Variants in P2RX1 observed in about 807,000 individuals in gnomAD.
P2RX1 encodes the protein P2X purinoceptor 1.
Under a neutral mutation model 50.3 loss-of-function variants are expected in P2RX1, and 42 were observed. The ratio of observed to expected loss-of-function variants is 0.83; its 90% CI spans 0.65 to 1.08. The LOEUF (loss-of-function observed/expected upper bound fraction) is 1.08. Ranked by LOEUF, P2RX1 falls within the 50% of genes least tolerant of loss-of-function variation. The pLI is 0.00. For missense variants in P2RX1, 449 were observed against 529.0 expected, an observed-to-expected ratio of 0.85 and a Z score of 1.48; for synonymous variants, 199 against 202.6, an observed-to-expected ratio of 0.98 and a Z score of 0.15.
In P2RX1 at chr17:3,897,761, G is replaced by C; in HGVS notation, c.*53C>G. The C allele has an allele frequency of 6.4e-7, 1 of 1,553,164 alleles. No homozygotes were observed. The highest frequency in any genetic ancestry group is 8.8e-7 in the Non-Finnish European group (1 of 1,131,076). ...CTCTGCCCTGGCTGGGACCCACCAG[G>C]GCTCCAGGCTGAAGCCTCACGCTGC... On this transcript the variant is annotated 3_prime_UTR_variant, in exon 12 of 12. Transcript: ENST00000225538.
intron 1 of P2RX1, among the ~76,000 whole-genome samples, chr17:3,908,714 A>G (rs1409423846): frequency 6.6e-6 from 1 of 152,172 alleles, no homozygotes; most frequent in East Asian, 1.9e-4. Flanking sequence ...CTCCCCTTCC[A>G]GAAATAACCC....
rs763723019 is a variant in P2RX1 at position 3,897,873 on chromosome 17, G to A, written c.1141C>T (p.Arg381Cys). ...AEDMGPGAAERDLAATSSTLG... is the reference protein window; with the variant it reads ...AEDMGPGAAECDLAATSSTLG... ...GTGGAGCTGGTAGCTGCGAGGTCACGCTCAGCCTGTGTACGTGGTGCAAGG... is the reference window on the plus strand; with the variant it reads ...GTGGAGCTGGTAGCTGCGAGGTCACACTCAGCCTGTGTACGTGGTGCAAGG... The change falls in exon 12 of 12, where the codon CGT (arginine) becomes TGT (cysteine). Residue 381 changes from arginine to cysteine, a missense_variant. Physicochemically the swap from Arg to Cys is radical, Grantham distance 180. Transcript: ENST00000225538. 19 of 1,613,874 alleles carry A rather than the reference G, an allele frequency of 1.2e-5. No individual in the cohort carries two copies. Among genetic ancestry groups the A allele is most frequent in the Middle Eastern group, 1.7e-4 (1 of 5,952 alleles).
At position 3,903,712 on chromosome 17, in the gene P2RX1, G is replaced by A. The variant is rs1289733788; in HGVS notation, c.525-81C>T. The stretch of plus-strand genomic sequence containing the variant: ...CACACAGAGCTTGGCACAGCAGGGG[G>A]TGGGCCGAGCCTCCGGGACCCGCCT... On this transcript the variant is annotated intron_variant, in intron 5 of 11. Transcript: ENST00000225538. The surrounding 1 kb of genome is among the most constrained non-coding windows in gnomAD (Gnocchi z 4.6). 1.3e-6 allele frequency: 2 copies of A among 1,482,004 alleles called. No individual in the cohort carries two copies. The highest frequency in any genetic ancestry group is 2.8e-5 in the African/African-American group (2 of 72,410). 91.8% of individuals were successfully genotyped at this position (1,482,004 alleles called of 1,614,324 possible). A position where few individuals can be genotyped will look rare whatever the true frequency, so the allele number is the denominator to read the frequency against.
intron 1 of P2RX1, among the ~76,000 whole-genome samples, chr17:3,907,290 C>CGTGTGTGTGTGTGTGTGTGTGTGT (rs147411964): frequency 2.5e-4 from 33 of 134,432 alleles, no homozygotes; most frequent in Middle Eastern, 3.6e-3. Context: ...TTCAGGGTAA[C>CGTGTGTGTGTGTGTGTGTGTGTGT]GTGTGTGTGT....
chr17:3,903,575 C>G lies in P2RX1; in HGVS notation c.581G>C (p.Ser194Thr). Residue 194 changes from serine to threonine, a missense_variant, in exon 6 of 12, where the codon AGC becomes ACC. By Grantham distance (58) the Ser-to-Thr change is moderately conservative. Coordinates refer to ENST00000225538, the MANE Select transcript of P2RX1 (RefSeq NM_002558.4). The surrounding 1 kb of genome is among the most constrained non-coding windows in gnomAD (Gnocchi z 4.6). ...CCTGTTGACCTTGAAGCGTGGAAAG[C>G]TGATGCTGTTCTTGATGAAAAGAGT... ...NFTLFIKNSI[S>T]FPRFKVNRRN... is the part of the protein sequence containing the mutation. 6.2e-7 allele frequency: 1 copy of G among 1,614,206 alleles called. No individual in the cohort carries two copies. The highest frequency in any genetic ancestry group is 8.5e-7 in the Non-Finnish European group (1 of 1,180,038).
At position 3,903,811 on chromosome 17, in the gene P2RX1, G is replaced by T; in HGVS notation, c.524+117C>A. 1 of 1,093,458 alleles carries T rather than the reference G, an allele frequency of 9.1e-7. No homozygotes were observed. Among genetic ancestry groups the T allele is most frequent in the Non-Finnish European group, 1.4e-6 (1 of 719,674 alleles). The allele number at this position is 1,093,458 out of a possible 1,614,324, so 67.7% of individuals were successfully genotyped here. On this transcript the variant is annotated intron_variant, in intron 5 of 11. Coordinates refer to ENST00000225538, the MANE Select transcript of P2RX1 (RefSeq NM_002558.4). The surrounding 1 kb of genome is among the most constrained non-coding windows in gnomAD (Gnocchi z 4.6). ...CCCAGGGGAATCTTCAGCCTAGGTT[G>T]CGCGGATGGGGTGAGGGTGGGGTCA...
rs952801163 is a variant in P2RX1, at chr17:3,916,095, A to G, written c.131T>C (p.Val44Ala). The G allele has an allele frequency of 4.3e-6, 7 of 1,613,278 alleles. No homozygotes were observed. The African/African-American group carries it at 9.3e-5, about 22-fold the overall frequency. Residue 44 changes from valine (V) to alanine (A), a missense_variant, in exon 1 of 12, where the codon GTC becomes GCC. Physicochemically the swap from Val to Ala is moderately conservative, Grantham distance 64 (BLOSUM62 0). Coordinates refer to ENST00000225538, the MANE Select transcript of P2RX1 (RefSeq NM_002558.4). ...GGGAGGCGCCCGGACTCACCCGATG[A>G]CGTAGACCAGGACCACCAGCTGGAT... is the stretch of plus-strand genomic sequence containing the variant. The part of the protein sequence containing the change: ...RLIQLVVLVY[V>A]IGWVFLYEKG...
In P2RX1 at chr17:3,898,555, G is replaced by A. The variant is rs752449656; in HGVS notation, c.967-6C>T. The A allele has an allele frequency of 1.9e-6, 3 of 1,612,424 alleles. No homozygotes were observed. The highest frequency in any genetic ancestry group is 2.2e-5 in the South Asian group (2 of 91,040). ...ATGATGTCAAACTTCCCGGCCTGGT[G>A]GCAGGACCCAGGGAGAGAAGGGCTA... On this transcript the variant is annotated splice_region_variant and splice_polypyrimidine_tract_variant and intron_variant, in intron 9 of 11. Transcript: ENST00000225538.
chr17:3,903,992 C>T lies in P2RX1; in HGVS notation c.460G>A (p.Asp154Asn), dbSNP rs146225413. 177 of 1,614,090 alleles carry T rather than the reference C, an allele frequency of 1.1e-4. No individual in the cohort carries two copies. The African/African-American group carries it at 2.0e-3, about 18-fold the overall frequency. Residue 154 changes from aspartate to asparagine, a missense_variant, in exon 5 of 12, where the codon GAC becomes AAC. By Grantham distance (23) the Asp-to-Asn change is conservative. Transcript: ENST00000225538. This position sits in a 1 kb window ranked among gnomAD's most constrained non-coding sequence, Gnocchi z 4.6. ...AAGATCTCACACGTCTTCACAGTGT[C>T]GTTGAAGGCCACACACTTGCCCGTG... ...IRTGKCVAFNDTVKTCEIFGW... is the reference protein window; with the variant it reads ...IRTGKCVAFNNTVKTCEIFGW...
At chr17:3,905,516 G>T in intron 1 of P2RX1, 149 bp from the exon 2 acceptor site, 2 of 821,206 alleles carry the variant, frequency 2.4e-6, no homozygotes, top group Non-Finnish European at 3.8e-6. Flanking sequence ...AGCCTCCCCT[G>T]CCTCCCGCTG....
intron 9 of P2RX1, 105 bp downstream of exon 9, chr17:3,898,829 T>C: frequency 1.1e-6 from 1 of 946,896 alleles, no homozygotes; most frequent in Non-Finnish European, 1.8e-6. Context: ...AACTGCTGGA[T>C]GAACCCACCC....
rs1027825109 is a variant in P2RX1, at chr17:3,911,311, C to T, written c.137+4778G>A. 9.9e-5 allele frequency among the ~76,000 whole-genome samples: 15 copies of T among 151,346 alleles called. 1 individual carries two copies. Among genetic ancestry groups the T allele is most frequent in the Non-Finnish European group, 1.6e-4 (11 of 67,744 alleles). ...TCTGTTTTTCTTTCTTTCTTTCTTT[C>T]TTTTTTTTTGAATACGTCACCAATC... On this transcript the variant is annotated intron_variant, in intron 1 of 11. Transcript: ENST00000225538.
chr17:3,911,133 C>T (rs911902756), intron 1 of P2RX1, among the ~76,000 whole-genome samples: 17 of 151,162 alleles, frequency 1.1e-4, no homozygotes, highest in Middle Eastern at 3.4e-3. Context: ...ACTACAGGCA[C>T]GCGCCACCAC....
At chr17:3,908,827 G>T (rs1397093663) in intron 1 of P2RX1, among the ~76,000 whole-genome samples, 1 of 152,212 alleles carries the variant, frequency 6.6e-6, no homozygotes, top group African/African-American at 2.4e-5. Flanking sequence ...AGGGTCAGGT[G>T]CCAGCCCTGC....
chr17:3,898,667 A>T, intron 9 of P2RX1, 118 bp from the exon 10 acceptor site: 1 of 815,816 alleles, frequency 1.2e-6, no homozygotes, highest in Non-Finnish European at 2.1e-6. Context: ...CCCACCTCGG[A>T]CTCTACATGG....
intron 10 of P2RX1, among the ~76,000 whole-genome samples, 178 bp from the exon 11 acceptor site, chr17:3,898,288 A>G (rs998754553): frequency 6.6e-6 from 1 of 151,670 alleles, no homozygotes; most frequent in African/African-American, 2.4e-5. Context: ...AGATGGTTCC[A>G]CCCCAACTCT....
chr17:3,904,627 G>A lies in P2RX1; in HGVS notation c.358-228C>T. Reference sequence around the variant, plus strand: ...CACTGCCAATGTCAGCTGGGCGGTGGGGGTGGGCACGAAGTCTCGGCACCC... The same window carrying A: ...CACTGCCAATGTCAGCTGGGCGGTGAGGGTGGGCACGAAGTCTCGGCACCC... On this transcript the variant is annotated intron_variant, in intron 3 of 11. Transcript: ENST00000225538. 4.8e-6 allele frequency: 3 copies of A among 629,192 alleles called. No homozygotes were observed. In the South Asian group the frequency reaches 5.6e-5, roughly 12 times the overall value. 39.0% of individuals were successfully genotyped at this position (629,192 alleles called of 1,614,324 possible). A position where few individuals can be genotyped will look rare whatever the true frequency, so the allele number is the denominator to read the frequency against.
Position 3,897,818 on chromosome 17 carries a change from GATGT to G in P2RX1, c.1192_1195del (p.Thr398ProfsTer69), listed in dbSNP as rs773038650. The stretch of plus-strand genomic sequence containing the variant: ...TCAGGAGTTGGGGCCCGAGCATCAG[GATGT>G]CCTCATGTTCTCCTGCAGGCCCAGG... On this transcript the variant is annotated frameshift_variant, in exon 12 of 12. Transcript: ENST00000225538. LOFTEE classifies it high-confidence loss of function. The G allele has an allele frequency of 1.2e-6, 2 of 1,612,938 alleles. No homozygotes were observed. The highest frequency in any genetic ancestry group is 2.2e-5 in the South Asian group (2 of 91,016).
intron 1 of P2RX1, among the ~76,000 whole-genome samples, chr17:3,908,378 T>C (rs2056305090): frequency 6.6e-6 from 1 of 152,086 alleles, no homozygotes; most frequent in Non-Finnish European, 1.5e-5. Flanking sequence ...TTGGCCAACA[T>C]GGTGAAACCC....
Sources: gnomAD v4.1 joint callset for allele counts (sites outside exome capture counted in the v4.1 genomes callset) on GRCh38, gnomAD v4.1.1 for gene constraint, Gnocchi (gnomAD v3.1) non-coding constraint, MANE v1.5 for transcripts, NCBI Gene and HGNC (gene_info 2026-07-23, HGNC 2026-07-21) for gene names.